The following FYB1 variants were observed in gnomAD, a reference collection of about 807,000 sequenced individuals.
The protein encoded by FYB1 is FYN binding protein 1, also known as FYN-binding protein 1.
Under a neutral mutation model 94.1 loss-of-function variants are expected in FYB1, and 41 were observed. That is an observed-to-expected ratio of 0.44 (90% confidence interval 0.34 to 0.57). The LOEUF (loss-of-function observed/expected upper bound fraction) is 0.57. Among genes scored for constraint, FYB1 ranks in the 20% least tolerant of loss-of-function variants. FYB1 has a pLI of 0.02. For synonymous variants in FYB1, 367 were observed against 353.2 expected (o/e 1.04, Z -0.44); for missense variants, 1,050 against 976.8 (o/e 1.07, Z -1.00).
intron 9 of FYB1, among the ~76,000 whole-genome samples, chr5:39,133,658 C>T (rs1435578428): frequency 6.6e-6 from 1 of 152,004 alleles, no homozygotes; most frequent in Admixed American, 6.6e-5. Flanking sequence ...TCCCATAATT[C>T]TTGAAGTGAA....
At chr5:39,266,184 C>T (rs1752430210) in intron 1 of FYB1, among the ~76,000 whole-genome samples, 1 of 152,116 alleles carries the variant, frequency 6.6e-6, no homozygotes, top group Non-Finnish European at 1.5e-5. Flanking sequence ...TAGATTAAGT[C>T]AATTTCCACA....
intron 3 of FYB1, among the ~76,000 whole-genome samples, chr5:39,152,479 A>G (rs1381791829): frequency 2.0e-5 from 3 of 152,200 alleles, no homozygotes; most frequent in Non-Finnish European, 4.4e-5. Context: ...GGAAAATCAA[A>G]TTGTACTAAA....
chr5:39,176,182 A>C, intron 2 of FYB1, among the ~76,000 whole-genome samples: 2 of 113,428 alleles, frequency 1.8e-5, no homozygotes, highest in African/African-American at 3.5e-5. Flanking sequence ...ACAGAGTCTC[A>C]CTCTGTCGCC....
chr5:39,252,364 A>T (rs186714446), intron 1 of FYB1, among the ~76,000 whole-genome samples: 2 of 152,314 alleles, frequency 1.3e-5, no homozygotes, highest in African/African-American at 4.8e-5. Flanking sequence ...TGCAAAATGC[A>T]TATACTTGTA....
intron 2 of FYB1, among the ~76,000 whole-genome samples, chr5:39,197,887 C>A (rs1444822737): frequency 2.0e-5 from 3 of 152,196 alleles, no homozygotes; most frequent in Non-Finnish European, 4.4e-5. Context: ...TCTCTTCCAA[C>A]AATCATTGTT....
At chr5:39,252,027 C>T (rs908689581) in intron 1 of FYB1, among the ~76,000 whole-genome samples, 2 of 152,114 alleles carry the variant, frequency 1.3e-5, no homozygotes, top group Non-Finnish European at 2.9e-5. Flanking sequence ...CGCCTGTAGT[C>T]CCAGCTACTC....
intron 9 of FYB1, 86 bp downstream of exon 9, chr5:39,134,122 G>C: frequency 1.0e-6 from 1 of 1,003,950 alleles, no homozygotes; most frequent in Admixed American, 2.1e-5. Context: ...TAGGAGTTAT[G>C]GAGGGTAAAA....
chr5:39,143,142 C>T (rs1742331567), intron 3 of FYB1, among the ~76,000 whole-genome samples: 1 of 152,178 alleles, frequency 6.6e-6, no homozygotes, highest in Admixed American at 6.5e-5. Context: ...GCCCAGCCTT[C>T]TCTTCTGAGA....
intron 1 of FYB1, among the ~76,000 whole-genome samples, chr5:39,272,644 T>C (rs155448): frequency 0.82 from 118,066 of 143,656 alleles, 50,314 homozygotes; most frequent in Non-Finnish European, 0.93. Flanking sequence ...TGCACTCCAG[T>C]TTGGGGGACA....
chr5:39,144,953 G>C (rs1383829220), intron 3 of FYB1, among the ~76,000 whole-genome samples: 1 of 152,122 alleles, frequency 6.6e-6, no homozygotes, highest in Non-Finnish European at 1.5e-5. Context: ...TTATATTAAT[G>C]CACAGAATCT....
chr5:39,124,202 A>G, intron 13 of FYB1, 51 bp downstream of exon 13: 6 of 1,286,974 alleles, frequency 4.7e-6, no homozygotes, highest in Non-Finnish European at 6.5e-6. Context: ...TCCCACTACC[A>G]CACTGCAAGA....
Position 39,202,680 on chromosome 5 carries a change from G to T in FYB1, c.281C>A (p.Thr94Lys). 1 of 1,613,840 alleles carries T rather than the reference G, an allele frequency of 6.2e-7. No homozygotes were observed. The highest frequency in any genetic ancestry group is 2.2e-5 in the East Asian group (1 of 44,870). Residue 94 changes from threonine to lysine, a missense_variant, in exon 2 of 19, where the codon ACA becomes AAA. Transcript: ENST00000512982. ...GTCTCTGGTGGTCAAGCTGGCTGGT[G>T]TTCCGAATCTTTGGCCTGCTCCAGT... is the stretch of plus-strand genomic sequence containing the variant. ...KPTGAGQRFG[T>K]PASLTTRDPE...
chr5:39,227,915 T>G (rs1431263715), intron 1 of FYB1, among the ~76,000 whole-genome samples: 1 of 152,190 alleles, frequency 6.6e-6, no homozygotes, highest in Admixed American at 6.6e-5. Flanking sequence ...TGACCCAAAA[T>G]GTTTTTCACT....
intron 1 of FYB1, among the ~76,000 whole-genome samples, chr5:39,244,024 G>T (rs1427326411): frequency 1.3e-5 from 2 of 152,150 alleles, no homozygotes; most frequent in African/African-American, 4.8e-5. Context: ...TTGCTTATCA[G>T]CTTAAGGAGA....
rs1221882013 is a variant in FYB1 at position 39,243,168 on chromosome 5, G to T, written c.-28+31235C>A. On this transcript the variant is annotated intron_variant, in intron 1 of 1. Coordinates refer to the FYB1 transcript ENST00000510188. ...AATTAGATCCCATTTGTCAATTTTGGCTTTTGTTGCCATTGCTTTTGGTGT... is the reference window on the plus strand; with the variant it reads ...AATTAGATCCCATTTGTCAATTTTGTCTTTTGTTGCCATTGCTTTTGGTGT... Among the ~76,000 whole-genome samples the T allele has an allele frequency of 4.3e-3, 648 of 151,878 alleles. 6 individuals are homozygous for T. The highest frequency in any genetic ancestry group is 0.014 in the African/African-American group (595 of 41,286).
intron 1 of FYB1, among the ~76,000 whole-genome samples, chr5:39,230,736 T>A (rs907580659): frequency 5.9e-5 from 9 of 151,888 alleles, no homozygotes; most frequent in Admixed American, 5.3e-4. Flanking sequence ...AAAGGCATTA[T>A]CCACAAGGCT....
intron 1 of FYB1, among the ~76,000 whole-genome samples, chr5:39,232,757 C>T (rs1268527344): frequency 2.0e-5 from 3 of 149,540 alleles, no homozygotes; most frequent in African/African-American, 7.4e-5. Context: ...GTGATATTCC[C>T]CTTCCTGTGT....
intron 18 of FYB1, among the ~76,000 whole-genome samples, chr5:39,107,816 A>C (rs775019794): frequency 6.6e-6 from 1 of 152,056 alleles, no homozygotes; most frequent in Non-Finnish European, 1.5e-5. Context: ...CATGATCAAC[A>C]CTGCATCATT....
At chr5:39,142,896 G>A (rs1742313354) in intron 3 of FYB1, among the ~76,000 whole-genome samples, 2 of 152,050 alleles carry the variant, frequency 1.3e-5, no homozygotes, top group African/African-American at 4.8e-5. Flanking sequence ...AGTCTCCTTT[G>A]TTTGTTTCCA....
Sources: allele counts gnomAD v4.1 joint callset (sites outside exome capture counted in the v4.1 genomes callset), GRCh38; gene constraint gnomAD v4.1.1; transcripts MANE v1.5; gene names NCBI Gene and HGNC (gene_info 2026-07-23, HGNC 2026-07-21).